CAPZB: variants seen among roughly 807,000 people sequenced by gnomAD.
CAPZB encodes capping actin protein of muscle Z-line subunit beta.
CAPZB carries 2 observed loss-of-function variants against 38.1 expected under a neutral mutation model. That is an observed-to-expected ratio of 0.05 (90% CI 0.02 to 0.17). CAPZB has a LOEUF of 0.17. CAPZB is among the 10% of genes least tolerant of loss of function. The probability of loss-of-function intolerance (pLI) is 1.00; values close to 1 mark genes in which losing one functional copy is unlikely to be tolerated. For synonymous variants in CAPZB, 107 were observed against 127.4 expected (o/e 0.84, Z 1.08); for missense variants, 161 against 334.2 (o/e 0.48, Z 4.04).
chr1:19,392,434 C>T (rs2094241644), intron 2 of CAPZB, among the ~76,000 whole-genome samples: 2 of 150,770 alleles, frequency 1.3e-5, no homozygotes, highest in Admixed American at 6.7e-5. Context: ...GAGCAAAGCG[C>T]GGCTGGAGTG....
chr1:19,441,656 C>G (rs1558264781), intron 1 of CAPZB, among the ~76,000 whole-genome samples: 2 of 151,270 alleles, frequency 1.3e-5, no homozygotes. Context: ...GGGTGGGGTC[C>G]CCAGTGTAGA....
chr1:19,365,741 G>A (rs1569976065), intron 4 of CAPZB, among the ~76,000 whole-genome samples: 1 of 152,288 alleles, frequency 6.6e-6, no homozygotes, highest in East Asian at 1.9e-4. Context: ...GGCTGAGGCA[G>A]GAGAATCGCT....
chr1:19,438,117 C>T (rs745560082), intron 1 of CAPZB, among the ~76,000 whole-genome samples: 3 of 152,116 alleles, frequency 2.0e-5, no homozygotes, highest in African/African-American at 4.8e-5. Flanking sequence ...CACATGGTTC[C>T]GAGGTCATGC....
chr1:19,480,627 C>T (rs1485454059), intron 1 of CAPZB, among the ~76,000 whole-genome samples: 5 of 152,202 alleles, frequency 3.3e-5, no homozygotes, highest in Admixed American at 2.0e-4. Flanking sequence ...CTCTCTTCTT[C>T]CAAGCCTGGA....
chr1:19,346,190 T>C (rs1469360876), intron 6 of CAPZB, among the ~76,000 whole-genome samples: 5 of 152,056 alleles, frequency 3.3e-5, no homozygotes, highest in Admixed American at 6.6e-5. Context: ...GTTACTACAC[T>C]GAAAACAGGA....
intron 4 of CAPZB, among the ~76,000 whole-genome samples, chr1:19,362,247 A>AT (rs2100341877): frequency 6.6e-6 from 1 of 151,720 alleles, no homozygotes; most frequent in South Asian, 2.1e-4. Context: ...GCTTTATTTT[A>AT]TTTTTTTGAG....
chr1:19,365,982 G>A (rs1278475889), intron 4 of CAPZB, among the ~76,000 whole-genome samples: 2 of 152,074 alleles, frequency 1.3e-5, no homozygotes, highest in Non-Finnish European at 2.9e-5. Flanking sequence ...ACTGAAAAAA[G>A]CAGAATTCCT....
chr1:19,391,729 TG>T (rs2094236493), intron 2 of CAPZB, among the ~76,000 whole-genome samples: 1 of 152,176 alleles, frequency 6.6e-6, no homozygotes, highest in African/African-American at 2.4e-5. Context: ...TCTCTGGAAC[TG>T]GGGGTTACAA....
intron 1 of CAPZB, among the ~76,000 whole-genome samples, chr1:19,453,289 T>A (rs1371502670): frequency 6.6e-6 from 1 of 151,914 alleles, no homozygotes; most frequent in East Asian, 1.9e-4. Flanking sequence ...TGAGTTGGGG[T>A]CTCACTTTGT....
intron 1 of CAPZB, among the ~76,000 whole-genome samples, chr1:19,444,534 T>C (rs1022966145): frequency 4.6e-5 from 7 of 152,182 alleles, no homozygotes; most frequent in African/African-American, 1.7e-4. Context: ...ATTATAAACA[T>C]AACTGCACAC....
intron 1 of CAPZB, 112 bp from the exon 2 acceptor site, chr1:19,419,862 A>C: frequency 1.5e-6 from 1 of 665,682 alleles, no homozygotes; most frequent in Non-Finnish European, 2.6e-6. Context: ...AGAGCCACGC[A>C]GTGGGCCCTC....
intron 4 of CAPZB, among the ~76,000 whole-genome samples, chr1:19,364,306 G>A (rs1437036926): frequency 1.3e-5 from 2 of 152,220 alleles, no homozygotes; most frequent in African/African-American, 2.4e-5. Context: ...GGGCCTGTAT[G>A]AGGCAGACTG....
intron 8 of CAPZB, among the ~76,000 whole-genome samples, chr1:19,342,572 G>C (rs1476437681): frequency 6.6e-6 from 1 of 152,178 alleles, no homozygotes; most frequent in Non-Finnish European, 1.5e-5. Flanking sequence ...ACACGTGATA[G>C]GTGCCGTGTT....
intron 1 of CAPZB, among the ~76,000 whole-genome samples, chr1:19,451,699 C>T (rs1366662786): frequency 6.6e-6 from 1 of 151,886 alleles, no homozygotes; most frequent in Non-Finnish European, 1.5e-5. Flanking sequence ...GGGGTGATCA[C>T]TTTCCACATG....
At chr1:19,449,070 C>T in intron 1 of CAPZB, 2 of 1,455,278 alleles carry the variant, frequency 1.4e-6, no homozygotes, top group Admixed American at 2.5e-5. Flanking sequence ...ACCCAAGCAG[C>T]TGGCCAGATG....
At chr1:19,412,752 C>A (rs2094362711) in intron 2 of CAPZB, among the ~76,000 whole-genome samples, 1 of 152,130 alleles carries the variant, frequency 6.6e-6, no homozygotes, top group African/African-American at 2.4e-5. Context: ...CACTGAGAAA[C>A]CGGTTAAAAG....
chr1:19,450,144 CA>C (rs71008167), intron 1 of CAPZB, among the ~76,000 whole-genome samples: 1,390 of 35,444 alleles, frequency 0.039, 7 homozygotes, highest in African/African-American at 0.1. Context: ...ACCCTGTCTC[CA>C]AAAAAAAAAA....
chr1:19,405,541 C>CAAAAAAAAAAAAAAAAAAAAA (rs10577923), intron 2 of CAPZB, among the ~76,000 whole-genome samples: 1 of 96,516 alleles, frequency 1.0e-5, no homozygotes, highest in African/African-American at 4.5e-5. Flanking sequence ...TAGAAAGAGG[C>CAAAAAAAAAAAAAAAAAAAAA]AAAAAAAAAA....
intron 8 of CAPZB, among the ~76,000 whole-genome samples, chr1:19,342,135 G>C (rs1426341876): frequency 6.6e-6 from 1 of 152,246 alleles, no homozygotes; most frequent in African/African-American, 2.4e-5. Flanking sequence ...CAGCTCGTTA[G>C]GGGCGGAAGG....
Sources: gnomAD v4.1 joint callset for allele counts (sites outside exome capture counted in the v4.1 genomes callset) on GRCh38, gnomAD v4.1.1 for gene constraint, MANE v1.5 for transcripts, NCBI Gene and HGNC (gene_info 2026-07-23, HGNC 2026-07-21) for gene names.